DNAH3: variants seen among roughly 807,000 people sequenced by gnomAD.
DNAH3 encodes dynein axonemal heavy chain 3.
In DNAH3, 332 loss-of-function variants were observed where a neutral mutation model predicts 432.5. That is an observed-to-expected ratio of 0.77 (90% CI 0.70 to 0.84). DNAH3 has a LOEUF of 0.84. DNAH3 is among the 40% of genes least tolerant of loss of function. DNAH3 has a pLI of 0.00. For missense variants in DNAH3, 4,861 were observed against 5,114.0 expected, an observed-to-expected ratio of 0.95 and a Z score of 1.51; for synonymous variants, 1,956 against 1,900.2, an observed-to-expected ratio of 1.03 and a Z score of -0.76.
intron 1 of DNAH3, 42 bp downstream of exon 2, chr16:21,150,248 A>AT: frequency 2.3e-6 from 1 of 425,888 alleles, no homozygotes; most frequent in Admixed American, 3.0e-5. Context: ...TAAAAAAAAA[A>AT]AATACAGGTA....
At chr16:20,980,444 C>CTCA (rs2085846360) in intron 49 of DNAH3, among the ~76,000 whole-genome samples, 1 of 150,520 alleles carries the variant, frequency 6.6e-6, no homozygotes, top group African/African-American at 2.4e-5. Flanking sequence ...ACAATCATGG[C>CTCA]TCACTGTAGC....
At chr16:21,146,195 G>C (rs56810431) in intron 1 of DNAH3, 107 bp from the exon 3 acceptor site, 9 of 666,884 alleles carry the variant, frequency 1.3e-5, no homozygotes, top group Non-Finnish European at 2.4e-5. Flanking sequence ...TAGGTCCAGA[G>C]TTCTGGACCT....
At chr16:21,025,880 C>T (rs779510300) in intron 38 of DNAH3, among the ~76,000 whole-genome samples, 2 of 151,968 alleles carry the variant, frequency 1.3e-5, no homozygotes, top group Non-Finnish European at 2.9e-5. Flanking sequence ...ATTACGGGCA[C>T]CCACCACCAT....
intron 41 of DNAH3, among the ~76,000 whole-genome samples, 183 bp from the exon 42 acceptor site, chr16:21,003,390 G>A (rs1376838429): frequency 6.6e-6 from 1 of 152,194 alleles, no homozygotes; most frequent in African/African-American, 2.4e-5. Flanking sequence ...ACTTTTTAAA[G>A]AGTAGTGACT....
chr16:21,156,731 A>G (rs1392069157), intron 1 of DNAH3, among the ~76,000 whole-genome samples: 1 of 152,056 alleles, frequency 6.6e-6, no homozygotes, highest in East Asian at 1.9e-4. Context: ...ATGTTCCTTG[A>G]GGGCCAAGTC....
chr16:21,108,820 G>A (rs190675919), intron 14 of DNAH3, among the ~76,000 whole-genome samples: 16 of 151,374 alleles, frequency 1.1e-4, no homozygotes, highest in Admixed American at 4.0e-4. Flanking sequence ...TATCCTATAG[G>A]CAAAGAAGCT....
intron 47 of DNAH3, 148 bp from the exon 48 acceptor site, chr16:20,985,863 C>A (rs994536230): frequency 2.1e-5 from 18 of 863,950 alleles, no homozygotes; most frequent in Non-Finnish European, 2.8e-5. Context: ...TGTTTTGTTT[C>A]GTTTTGTTTT....
At chr16:21,087,007 A>C in exon 19 of DNAH3, 1 of 1,614,212 alleles carries the variant, frequency 6.2e-7, no homozygotes, top group Non-Finnish European at 8.5e-7. Flanking sequence ...GTTGTCCTCC[A>C]CATATTCCCT....
chr16:20,971,210 T>A (rs2085328089), intron 51 of DNAH3, among the ~76,000 whole-genome samples: 1 of 152,040 alleles, frequency 6.6e-6, no homozygotes, highest in African/African-American at 2.4e-5. Flanking sequence ...TTTTTCTTTT[T>A]TGGTAAAGAG....
intron 48 of DNAH3, among the ~76,000 whole-genome samples, chr16:20,984,028 A>AG (rs1379672095): frequency 5.1e-4 from 63 of 123,112 alleles, no homozygotes; most frequent in African/African-American, 1.8e-3. Context: ...CCCTATATCC[A>AG]GAAAAAAAAA....
At chr16:21,033,875 G>A (rs977431948) in intron 36 of DNAH3, 99 bp downstream of exon 36, 25 of 743,388 alleles carry the variant, frequency 3.4e-5, no homozygotes, top group Admixed American at 1.5e-4. Context: ...CGTCACGATC[G>A]AGGCCTGACA....
intron 41 of DNAH3, among the ~76,000 whole-genome samples, chr16:21,006,146 G>A (rs964420506): frequency 6.6e-6 from 1 of 151,986 alleles, no homozygotes; most frequent in Non-Finnish European, 1.5e-5. Flanking sequence ...CTCTTCTGTT[G>A]TATGTGTAAT....
chr16:20,980,219 ATATTATTT>A (rs2085804188), intron 49 of DNAH3, among the ~76,000 whole-genome samples: 1 of 131,422 alleles, frequency 7.6e-6, no homozygotes, highest in Non-Finnish European at 1.6e-5. Context: ...TATATTATTT[ATATTATTT>A]ATTTATATTA....
chr16:21,138,844 C>T (rs1316537941), intron 5 of DNAH3, among the ~76,000 whole-genome samples: 1 of 151,448 alleles, frequency 6.6e-6, no homozygotes, highest in Admixed American at 6.6e-5. Flanking sequence ...ACTTTGGTAT[C>T]AGCCAGACCG....
chr16:21,126,664 T>A (rs1342762865), intron 8 of DNAH3, among the ~76,000 whole-genome samples: 1 of 152,098 alleles, frequency 6.6e-6, no homozygotes, highest in Non-Finnish European at 1.5e-5. Context: ...GGACTGGTTG[T>A]AGGAACCAGG....
chr16:21,062,424 C>T (rs768438705), intron 25 of DNAH3, 58 bp downstream of exon 25: 27 of 1,455,788 alleles, frequency 1.9e-5, no homozygotes, highest in African/African-American at 1.3e-4. Context: ...TTAGCCAATA[C>T]GCTCTCTGAT....
chr16:21,029,185 C>T (rs1335162685), intron 37 of DNAH3, among the ~76,000 whole-genome samples: 1 of 152,136 alleles, frequency 6.6e-6, no homozygotes, highest in East Asian at 1.9e-4. Context: ...TAGTCCATAT[C>T]ATGTAATAAA....
intron 1 of DNAH3, among the ~76,000 whole-genome samples, chr16:21,157,918 G>GC (rs1007716343): frequency 1.3e-5 from 2 of 151,896 alleles, no homozygotes; most frequent in Admixed American, 6.6e-5. Flanking sequence ...CTGGAGGTGG[G>GC]GGGGGGCGGT....
In DNAH3 at chr16:21,145,118, A is replaced by T. The variant is rs1597486435; in HGVS notation, c.448+63T>A. 3.7e-6 allele frequency: 5 copies of T among 1,367,396 alleles called. No homozygotes were observed. The East Asian group carries it at 1.3e-4, about 34-fold the overall frequency. The allele number at this position is 1,367,396 out of a possible 1,614,324, so 84.7% of individuals were successfully genotyped here. ...CAGAGTGAGACTCCATCTAAAATAA[A>T]TAAATAAATAAAAATTTCCTCCAAA... On this transcript the variant is annotated intron_variant, in intron 3 of 61. Coordinates refer to ENST00000261383, the Ensembl canonical transcript of DNAH3.
Sources: gnomAD v4.1 joint callset for allele counts (sites outside exome capture counted in the v4.1 genomes callset) on GRCh38, gnomAD v4.1.1 for gene constraint, MANE v1.5 for transcripts, NCBI Gene and HGNC (gene_info 2026-07-23, HGNC 2026-07-21) for gene names.